The following DIS3L2 variants were observed in gnomAD, a reference collection of about 807,000 sequenced individuals.
DIS3L2 encodes the protein DIS3 like 3'-5' exoribonuclease 2.
DIS3L2 carries 34 observed loss-of-function variants against 97.5 expected under a neutral mutation model. That is an observed-to-expected ratio of 0.35 (90% CI 0.27 to 0.46). DIS3L2 has a LOEUF of 0.46. Ranked by LOEUF, DIS3L2 falls within the 20% of genes least tolerant of loss-of-function variation. The probability of loss-of-function intolerance (pLI) is 1.00; values close to 1 mark genes in which losing one functional copy is unlikely to be tolerated. For synonymous variants in DIS3L2, 435 were observed against 445.2 expected, an observed-to-expected ratio of 0.98 and a Z score of 0.29; for missense variants, 1,038 against 1,146.0, an observed-to-expected ratio of 0.91 and a Z score of 1.36.
chr2:232,317,174 G>A (rs972410332), intron 14 of DIS3L2, among the ~76,000 whole-genome samples: 5 of 152,274 alleles, frequency 3.3e-5, no homozygotes, highest in Middle Eastern at 3.4e-3. Context: ...GGCTTTCCTC[G>A]CCCAGGCAGT....
At chr2:232,121,248 A>G (rs1219748224) in intron 6 of DIS3L2, among the ~76,000 whole-genome samples, 1 of 152,140 alleles carries the variant, frequency 6.6e-6, no homozygotes. Context: ...CACTTTCCCT[A>G]TTGAAATACT....
intron 6 of DIS3L2, among the ~76,000 whole-genome samples, chr2:232,091,233 G>C (rs982820822): frequency 5.3e-5 from 8 of 152,270 alleles, no homozygotes; most frequent in Middle Eastern, 3.4e-3. Flanking sequence ...GTTGTGCTAG[G>C]AAATAGTAGG....
At chr2:232,078,398 G>C (rs1026039912) in intron 5 of DIS3L2, among the ~76,000 whole-genome samples, 3 of 152,048 alleles carry the variant, frequency 2.0e-5, no homozygotes, top group African/African-American at 7.2e-5. Flanking sequence ...CCCGCTCCCC[G>C]GGAGGAAGGG....
chr2:231,995,238 T>C (rs899175825), intron 1 of DIS3L2, among the ~76,000 whole-genome samples: 1 of 152,224 alleles, frequency 6.6e-6, no homozygotes, highest in Non-Finnish European at 1.5e-5. Flanking sequence ...TTAGCAGGCT[T>C]TTGACTGTAG....
At position 232,336,970 on chromosome 2, in the gene DIS3L2, G is replaced by A. The variant is rs772256810; in HGVS notation, c.*340G>A. 2 of 1,156,606 alleles carry A rather than the reference G, an allele frequency of 1.7e-6. No individual in the cohort carries two copies. Among genetic ancestry groups the A allele is most frequent in the Non-Finnish European group, 2.1e-6 (2 of 933,024 alleles). 71.6% of individuals were successfully genotyped at this position (1,156,606 alleles called of 1,614,324 possible). On this transcript the variant is annotated 3_prime_UTR_variant, in exon 21 of 21. Transcript: ENST00000325385. Reference sequence around the variant, plus strand: ...GTGTCACAGAATAAAATCAAGTGTGGAGTGCCATCTGGTGTGTAGGGCGCC... The same window carrying A: ...GTGTCACAGAATAAAATCAAGTGTGAAGTGCCATCTGGTGTGTAGGGCGCC...
chr2:232,024,723 A>G (rs910169029), intron 4 of DIS3L2, among the ~76,000 whole-genome samples: 20 of 152,030 alleles, frequency 1.3e-4, no homozygotes, highest in African/African-American at 4.8e-4. Context: ...GCTAATCTGA[A>G]CATTTGTCCA....
chr2:232,108,329 C>CAA (rs1559637113), intron 6 of DIS3L2, among the ~76,000 whole-genome samples: 1 of 152,208 alleles, frequency 6.6e-6, no homozygotes, highest in East Asian at 1.9e-4. Context: ...AACATCTCTT[C>CAA]ATGTTAAAAT....
chr2:232,167,873 A>T (rs1162223215), intron 9 of DIS3L2, among the ~76,000 whole-genome samples: 2 of 152,092 alleles, frequency 1.3e-5, no homozygotes, highest in Non-Finnish European at 2.9e-5. Flanking sequence ...AACATGGTGA[A>T]ACCCTGTCTC....
At position 232,037,914 on chromosome 2, in the gene DIS3L2, A is replaced by T. The variant is rs971949942; in HGVS notation, c.366+7834A>T. 2.0e-5 allele frequency among the ~76,000 whole-genome samples: 3 copies of T among 152,240 alleles called. No individual in the cohort carries two copies. The highest frequency in any genetic ancestry group is 4.1e-4 in the South Asian group (2 of 4,832). ...GATGAACCAGGTACCTCAGTTGGAA[A>T]TGCAGAAATCACCAGCCTTCTGCGT... On this transcript the variant is annotated intron_variant, in intron 5 of 20. Transcript: ENST00000325385. This position sits in a 1 kb window ranked among gnomAD's most constrained non-coding sequence, Gnocchi z 4.6.
chr2:232,200,082 G>T (rs1574941324), intron 9 of DIS3L2, among the ~76,000 whole-genome samples: 1 of 152,148 alleles, frequency 6.6e-6, no homozygotes, highest in East Asian at 1.9e-4. Flanking sequence ...AGTGGTGTTG[G>T]CATTGTAATT....
At chr2:232,086,384 T>G (rs1043830556) in intron 5 of DIS3L2, among the ~76,000 whole-genome samples, 2 of 147,100 alleles carry the variant, frequency 1.4e-5, no homozygotes, top group African/African-American at 2.5e-5. Context: ...TATATGTATA[T>G]GTATATGTAT....
chr2:232,028,314 A>C (rs992957536), intron 4 of DIS3L2, among the ~76,000 whole-genome samples: 1 of 152,142 alleles, frequency 6.6e-6, no homozygotes, highest in East Asian at 1.9e-4. Flanking sequence ...CTTTGGCCTA[A>C]AAAAGTGGTT....
At chr2:232,275,711 C>G (rs1694122498) in intron 13 of DIS3L2, among the ~76,000 whole-genome samples, 1 of 152,020 alleles carries the variant, frequency 6.6e-6, no homozygotes, top group Non-Finnish European at 1.5e-5. Context: ...TTTTTAATTG[C>G]CCACATGTTT....
In DIS3L2 at chr2:232,086,428, C is replaced by T. The variant is rs1439210205; in HGVS notation, c.367-1059C>T. ...ATATACATATACATGCAGAGAAAGACCTTTCACTGTGAGAAAGTTCAGCCT... is the reference window on the plus strand; with the variant it reads ...ATATACATATACATGCAGAGAAAGATCTTTCACTGTGAGAAAGTTCAGCCT... On this transcript the variant is annotated intron_variant, in intron 5 of 20. Coordinates refer to ENST00000325385, the MANE Select transcript of DIS3L2 (RefSeq NM_152383.5). Among the ~76,000 whole-genome samples the T allele has an allele frequency of 1.3e-4, 19 of 146,106 alleles. No homozygotes were observed. The South Asian group carries it at 1.9e-3, about 15-fold the overall frequency.
rs569333197 is a variant in DIS3L2, at chr2:232,211,452, A to G, written c.1204+1047A>G. ...TCAACCACCATGCCCAGCACCCCCA[A>G]TCCCTTTTCTAATGCCCCAGATGTG... On this transcript the variant is annotated intron_variant, in intron 10 of 20. Transcript: ENST00000325385. 6.9e-4 allele frequency among the ~76,000 whole-genome samples: 105 copies of G among 152,102 alleles called. 1 individual carries two copies. Among genetic ancestry groups the G allele is most frequent in the African/African-American group, 2.5e-3 (102 of 41,514 alleles).
chr2:232,088,561 CA>C (rs748097006), intron 6 of DIS3L2, among the ~76,000 whole-genome samples: 244 of 122,580 alleles, frequency 2.0e-3, no homozygotes, highest in Admixed American at 3.5e-3. Flanking sequence ...GACTCCGTCT[CA>C]AAAAAAAAAA....
chr2:232,212,357 T>A (rs1186197937), intron 10 of DIS3L2, among the ~76,000 whole-genome samples: 1 of 152,244 alleles, frequency 6.6e-6, no homozygotes, highest in Admixed American at 6.5e-5. Flanking sequence ...TTGCTTCATT[T>A]GTTTTGTCCA....
chr2:232,100,101 T>C (rs185446351), intron 6 of DIS3L2, among the ~76,000 whole-genome samples: 47 of 152,214 alleles, frequency 3.1e-4, no homozygotes, highest in Middle Eastern at 3.4e-3. Flanking sequence ...AATTGCGTGA[T>C]CTCGGCTCAC....
At chr2:232,197,531 G>A (rs1269222027) in intron 9 of DIS3L2, among the ~76,000 whole-genome samples, 1 of 152,136 alleles carries the variant, frequency 6.6e-6, no homozygotes, top group Non-Finnish European at 1.5e-5. Flanking sequence ...GTTGAGGATG[G>A]GAAGTTTTCA....
Sources: gnomAD v4.1 joint callset for allele counts (sites outside exome capture counted in the v4.1 genomes callset) on GRCh38, gnomAD v4.1.1 for gene constraint, Gnocchi (gnomAD v3.1) non-coding constraint, MANE v1.5 for transcripts, NCBI Gene and HGNC (gene_info 2026-07-23, HGNC 2026-07-21) for gene names.